The following PLAGL1 variants were observed in gnomAD, a reference collection of about 807,000 sequenced individuals.
PLAGL1 encodes the protein PLAG1 like zinc finger 1.
In PLAGL1, 1 loss-of-function variant was observed where a neutral mutation model predicts 4.6. The ratio of observed to expected loss-of-function variants is 0.22; its 90% CI spans 0.08 to 1.03. The LOEUF (loss-of-function observed/expected upper bound fraction) is 1.03, where lower values mean the gene tolerates loss of function less well. PLAGL1 is among the 50% of genes least tolerant of loss of function. The pLI, the probability that PLAGL1 is intolerant of heterozygous loss-of-function variation, is 0.58. For missense variants in PLAGL1, 464 were observed against 570.4 expected, an observed-to-expected ratio of 0.81 and a Z score of 1.90; for synonymous variants, 240 against 237.8, an observed-to-expected ratio of 1.01 and a Z score of -0.08.
intron 1 of PLAGL1, among the ~76,000 whole-genome samples, chr6:144,045,831 A>C (rs975557326): frequency 6.6e-6 from 1 of 152,120 alleles, no homozygotes; most frequent in East Asian, 1.9e-4. Context: ...ACACCAATCA[A>C]ACGTAGATTT....
At chr6:144,040,181 C>G (rs1382372923) in intron 1 of PLAGL1, among the ~76,000 whole-genome samples, 1 of 152,134 alleles carries the variant, frequency 6.6e-6, no homozygotes, top group Non-Finnish European at 1.5e-5. Flanking sequence ...ATAATCAAAG[C>G]ACTCAAAATA....
At position 143,940,981 on chromosome 6, in the gene PLAGL1, C is replaced by G. The variant is rs984723744; in HGVS notation, c.*443G>C. On this transcript the variant is annotated 3_prime_UTR_variant, in exon 8 of 8. Transcript: ENST00000674357. ...AAATCCCTGAAAAGAAATACACAGC[C>G]TAGTCATAGTATATCATATAAAGGT... The G allele has an allele frequency of 6.5e-6, 1 of 153,142 alleles. No homozygotes were observed. Among genetic ancestry groups the G allele is most frequent in the Non-Finnish European group, 1.5e-5 (1 of 68,446 alleles). The allele number at this position is 153,142 out of a possible 1,614,324, so 9.5% of individuals were successfully genotyped here.
In PLAGL1 at chr6:143,972,135, A is replaced by G. The variant is rs1785535658; in HGVS notation, c.-543-3157T>C. The stretch of plus-strand genomic sequence containing the variant: ...TTTAGTATTTGCAGTTGAAACTGTG[A>G]TAAGTAATTACTTTCAAAGGAATGT... On this transcript the variant is annotated intron_variant, in intron 2 of 7. Transcript: ENST00000674357. The surrounding 1 kb of genome is among the most constrained non-coding windows in gnomAD (Gnocchi z 6.8). 1.3e-5 allele frequency among the ~76,000 whole-genome samples: 2 copies of G among 152,248 alleles called. No homozygotes were observed. Among genetic ancestry groups the G allele is most frequent in the Non-Finnish European group, 2.9e-5 (2 of 68,046 alleles).
Position 144,062,678 on chromosome 6 carries a change from G to A in PLAGL1, c.-151+1790C>T, listed in dbSNP as rs1016183400. ...CTACCTTAGTTATCATCGTAGCCGG[G>A]TTATATTGCAGCCTGTTTTCACATT... On this transcript the variant is annotated intron_variant, in intron 1 of 3. Coordinates refer to the PLAGL1 transcript ENST00000437412. Among the ~76,000 whole-genome samples the A allele has an allele frequency of 4.6e-5, 7 of 152,036 alleles. No homozygotes were observed. The East Asian group carries it at 1.2e-3, about 25-fold the overall frequency.
At chr6:144,011,623 C>T (rs956668521), upstream of PLAGL1, among the ~76,000 whole-genome samples, 12 of 152,108 alleles carry the variant, frequency 7.9e-5, no homozygotes, top group Non-Finnish European at 1.2e-4. The surrounding 1 kb of genome is among the most constrained non-coding windows in gnomAD (Gnocchi z 4.3). Context: ...TATCTGAATA[C>T]GCTGCTTTTT....
At position 143,995,358 on chromosome 6, in the gene PLAGL1, G is replaced by A. The variant is rs946858195; in HGVS notation, c.-583-10184C>T. ...AAATGATGCATAATTTTTGGCTTTT[G>A]TTGTTTTGTTGTTATGGTTTTTTGG... On this transcript the variant is annotated intron_variant, in intron 1 of 7. Coordinates refer to ENST00000674357, the MANE Select transcript of PLAGL1 (RefSeq NM_001317162.2). This position sits in a 1 kb window ranked among gnomAD's most constrained non-coding sequence, Gnocchi z 4.4. Among the ~76,000 whole-genome samples, 3 of 152,044 alleles carry A rather than the reference G, an allele frequency of 2.0e-5. No individual in the cohort carries two copies. Among genetic ancestry groups the A allele is most frequent in the African/African-American group, 7.2e-5 (3 of 41,408 alleles).
At chr6:144,010,008 A>T (rs1406506184), upstream of PLAGL1, among the ~76,000 whole-genome samples, 4 of 152,162 alleles carry the variant, frequency 2.6e-5, no homozygotes, top group Non-Finnish European at 5.9e-5. This position sits in a 1 kb window ranked among gnomAD's most constrained non-coding sequence, Gnocchi z 4.1. Context: ...CAGTAGAATG[A>T]TTTATAATTC....
At chr6:144,009,591 A>G (rs866892511), upstream of PLAGL1, among the ~76,000 whole-genome samples, 1 of 152,184 alleles carries the variant, frequency 6.6e-6, no homozygotes, top group African/African-American at 2.4e-5. Context: ...AGGTATACAC[A>G]TGCCATGGTG....
intron 1 of PLAGL1, among the ~76,000 whole-genome samples, chr6:144,017,023 G>A (rs577977269): frequency 2.0e-5 from 3 of 151,968 alleles, no homozygotes; most frequent in African/African-American, 7.3e-5. Context: ...ATAATAGTAA[G>A]CAGCCACAGA....
upstream of PLAGL1, chr6:144,008,427 C>T (rs963743420): frequency 5.3e-5 from 8 of 151,896 alleles, no homozygotes; most frequent in African/African-American, 1.9e-4. The surrounding 1 kb of genome is among the most constrained non-coding windows in gnomAD (Gnocchi z 6.9). Context: ...GGCGCGGCCG[C>T]GAGGAGGGCG....
In PLAGL1 at chr6:143,985,977, T is replaced by TC. The variant is rs1788982648; in HGVS notation, c.-583-804_-583-803insG. On this transcript the variant is annotated intron_variant, in intron 1 of 7. Transcript: ENST00000674357. The surrounding 1 kb of genome is among the most constrained non-coding windows in gnomAD (Gnocchi z 4.4). ...ACATATATATCAAATTATATATATA[T>TC]AAAATTATATATATATATATATATA... Among the ~76,000 whole-genome samples, 4 of 76,282 alleles carry TC rather than the reference T, an allele frequency of 5.2e-5. 1 individual carries two copies. The highest frequency in any genetic ancestry group is 1.3e-4 in the Admixed American group (1 of 7,582). The allele number at this position is 76,282 out of a possible 152,430, so 50.0% of individuals were successfully genotyped here.
At chr6:144,007,666 T>A (rs1794559345) in intron 1 of PLAGL1, 1 of 152,190 alleles carries the variant, frequency 6.6e-6, no homozygotes, top group Admixed American at 6.5e-5. Context: ...TACTAAAGCA[T>A]CAAAATAATC....
chr6:143,983,039 G>A lies in PLAGL1; in HGVS notation c.-544+2096C>T, dbSNP rs909205782. 1.3e-5 allele frequency among the ~76,000 whole-genome samples: 2 copies of A among 152,186 alleles called. No homozygotes were observed. The highest frequency in any genetic ancestry group is 4.8e-5 in the African/African-American group (2 of 41,450). On this transcript the variant is annotated intron_variant, in intron 2 of 7. Transcript: ENST00000674357. The surrounding 1 kb of genome is among the most constrained non-coding windows in gnomAD (Gnocchi z 6.6). ...GGGAGTGAGAATCGACAGAGGACAAGTACAGAGACTGTGCTCAGGGACAGC... is the reference window on the plus strand; with the variant it reads ...GGGAGTGAGAATCGACAGAGGACAAATACAGAGACTGTGCTCAGGGACAGC...
rs1778490974 is a variant in PLAGL1 at position 143,941,151 on chromosome 6, T to C, written c.*273A>G. The C allele has an allele frequency of 3.1e-5, 9 of 289,124 alleles. No individual in the cohort carries two copies. In the East Asian group the frequency reaches 5.4e-4, roughly 17 times the overall value. The allele number at this position is 289,124 out of a possible 1,614,324, so 17.9% of individuals were successfully genotyped here. A position where few individuals can be genotyped will look rare whatever the true frequency, so the allele number is the denominator to read the frequency against. Reference sequence around the variant, plus strand: ...AAATTCCATATGACAAACACTTATATATAGCAGCCGTCATTTTGGATGTTG... The same window carrying C: ...AAATTCCATATGACAAACACTTATACATAGCAGCCGTCATTTTGGATGTTG... On this transcript the variant is annotated 3_prime_UTR_variant, in exon 8 of 8. Transcript: ENST00000674357. This position sits in a 1 kb window ranked among gnomAD's most constrained non-coding sequence, Gnocchi z 6.0.
chr6:144,045,000 C>CTTTTTTTT lies in PLAGL1; in HGVS notation c.-151+19460_-151+19467dup, dbSNP rs138373370. On this transcript the variant is annotated intron_variant, in intron 1 of 3. Transcript: ENST00000437412. ...TCAGAGACTAGGATTGCAACCCCTG[C>CTTTTTTTT]TTTTTTTTTTTTTTTTTTGGCTTTC... 4.9e-3 allele frequency among the ~76,000 whole-genome samples: 232 copies of CTTTTTTTT among 47,274 alleles called. 17 individuals carry two copies. Among genetic ancestry groups the CTTTTTTTT allele is most frequent in the Non-Finnish European group, 5.5e-3 (142 of 25,692 alleles). 31.0% of individuals were successfully genotyped at this position (47,274 alleles called of 152,430 possible). A position where few individuals can be genotyped will look rare whatever the true frequency, so the allele number is the denominator to read the frequency against.
rs1781519101 is a variant in PLAGL1, at chr6:143,953,705, GA to G, written c.-324-5246del. Among the ~76,000 whole-genome samples the G allele has an allele frequency of 6.6e-6, 1 of 152,178 alleles. No individual in the cohort carries two copies. Among genetic ancestry groups the G allele is most frequent in the African/African-American group, 2.4e-5 (1 of 41,440 alleles). ...GAGAAAACAACAAATTTTGGAAGCT[GA>G]AAAGCAGGTAAACAAGCAGTGATCG... On this transcript the variant is annotated intron_variant, in intron 6 of 7. Coordinates refer to ENST00000674357, the MANE Select transcript of PLAGL1 (RefSeq NM_001317162.2). The surrounding 1 kb of genome is among the most constrained non-coding windows in gnomAD (Gnocchi z 5.3).
At position 143,979,593 on chromosome 6, in the gene PLAGL1, TTTATAG is replaced by T. The variant is rs1233855869; in HGVS notation, c.-544+5536_-544+5541del. On this transcript the variant is annotated intron_variant, in intron 2 of 7. Coordinates refer to ENST00000674357, the MANE Select transcript of PLAGL1 (RefSeq NM_001317162.2). The surrounding 1 kb of genome is among the most constrained non-coding windows in gnomAD (Gnocchi z 4.6). ...ACCAGTTCATGTAGAGTATAAAAACTTTATAGTTATATTTTTCCTCACCTGACCTTT... is the reference window on the plus strand; with the variant it reads ...ACCAGTTCATGTAGAGTATAAAAACTTTATATTTTTCCTCACCTGACCTTT... 2.6e-5 allele frequency among the ~76,000 whole-genome samples: 4 copies of T among 152,120 alleles called. No individual in the cohort carries two copies. Among genetic ancestry groups the T allele is most frequent in the Admixed American group, 2.6e-4 (4 of 15,262 alleles).
In PLAGL1 at chr6:143,994,039, GA is replaced by G. The variant is rs530541145; in HGVS notation, c.-583-8866del. The stretch of plus-strand genomic sequence containing the variant: ...AATGTTCACTTCATATATGGCTAAG[GA>G]AAAAAAAAAAAAGAAAAGAACTCCC... On this transcript the variant is annotated intron_variant, in intron 1 of 7. Transcript: ENST00000674357. This position sits in a 1 kb window ranked among gnomAD's most constrained non-coding sequence, Gnocchi z 4.3. Among the ~76,000 whole-genome samples, 113 of 129,656 alleles carry G rather than the reference GA, an allele frequency of 8.7e-4. No homozygotes were observed. Among genetic ancestry groups the G allele is most frequent in the African/African-American group, 1.0e-3 (36 of 34,858 alleles). The allele number at this position is 129,656 out of a possible 152,430, so 85.1% of individuals were successfully genotyped here.
Position 143,942,017 on chromosome 6 carries a change from G to A in PLAGL1, c.799C>T (p.Pro267Ser), listed in dbSNP as rs949031737. The A allele has an allele frequency of 1.3e-6, 2 of 1,596,238 alleles. No homozygotes were observed. Among genetic ancestry groups the A allele is most frequent in the African/African-American group, 2.7e-5 (2 of 74,472 alleles). Residue 267 changes from proline to serine, a missense_variant, in exon 8 of 8, where the codon CCC (proline) becomes TCC (serine). By Grantham distance (74) the Pro-to-Ser change is moderately conservative. Coordinates refer to ENST00000674357, the MANE Select transcript of PLAGL1 (RefSeq NM_001317162.2). The surrounding 1 kb of genome is among the most constrained non-coding windows in gnomAD (Gnocchi z 7.6). Reference protein sequence around the residue: ...PAEVHSLTLSPPEQAAQPMQP... With the variant: ...PAEVHSLTLSSPEQAAQPMQP... ...ATAGGCTGGGCGGCTTGTTCTGGGG[G>A]ACTGAGGGTGAGGCTATGGACCTCA... is the stretch of plus-strand genomic sequence containing the variant.
Sources: allele counts gnomAD v4.1 joint callset (sites outside exome capture counted in the v4.1 genomes callset), GRCh38; gene constraint gnomAD v4.1.1; non-coding constraint Gnocchi (gnomAD v3.1); transcripts MANE v1.5; gene names NCBI Gene and HGNC (gene_info 2026-07-23, HGNC 2026-07-21).